Variants in ANXA10 observed in about 807,000 individuals in gnomAD.
ANXA10 encodes the protein annexin A10.
A neutral mutation model predicts 53.5 loss-of-function variants in ANXA10; 49 were observed. The observed-to-expected ratio is 0.92, with a 90% CI of 0.73 to 1.16. The LOEUF is 1.16. Among genes scored for constraint, ANXA10 ranks in the 50% most tolerant of loss-of-function variants. ANXA10 has a pLI of 0.00. For missense variants in ANXA10, 393 were observed against 394.4 expected (o/e 1.00, Z 0.03); for synonymous variants, 131 against 128.9 (o/e 1.02, Z -0.11).
At chr4:168,165,223 C>T in intron 5 of ANXA10, 24 bp from the exon 6 acceptor site, 1 of 1,432,740 alleles carries the variant, frequency 7.0e-7, no homozygotes, top group Non-Finnish European at 9.7e-7. Flanking sequence ...ATAAATCATA[C>T]CTTTAACATG....
intron 3 of ANXA10, among the ~76,000 whole-genome samples, chr4:168,141,737 A>G (rs1028733950): frequency 8.5e-5 from 13 of 152,216 alleles, no homozygotes; most frequent in African/African-American, 3.1e-4. Flanking sequence ...CTGAAAGAGA[A>G]TGGGCCAACA....
intron 1 of ANXA10, among the ~76,000 whole-genome samples, chr4:168,103,369 T>A (rs1730670869): frequency 6.6e-6 from 1 of 151,968 alleles, no homozygotes; most frequent in Non-Finnish European, 1.5e-5. Context: ...TCAAGCTTAT[T>A]TTTTTATATG....
intron 3 of ANXA10, among the ~76,000 whole-genome samples, chr4:168,156,171 T>TTATATTATATATTATATATTATATATTA (rs1352004568): frequency 6.4e-5 from 2 of 31,236 alleles, no homozygotes; most frequent in African/African-American, 1.5e-4. Flanking sequence ...ATTATATATA[T>TTATATTATATATTATATATTATATATTA]TATATTATAT....
intron 6 of ANXA10, among the ~76,000 whole-genome samples, chr4:168,167,056 T>C (rs918567739): frequency 6.6e-6 from 1 of 152,154 alleles, no homozygotes; most frequent in African/African-American, 2.4e-5. Flanking sequence ...TCTTTCATCC[T>C]TTTCTCTGAA....
intron 3 of ANXA10, among the ~76,000 whole-genome samples, chr4:168,157,294 G>C (rs1450967280): frequency 6.6e-6 from 1 of 151,684 alleles, no homozygotes; most frequent in Non-Finnish European, 1.5e-5. Flanking sequence ...TTGATACAGA[G>C]TCTTGCTCTG....
chr4:168,172,103 G>A (rs376961330), intron 6 of ANXA10, among the ~76,000 whole-genome samples: 18 of 152,082 alleles, frequency 1.2e-4, no homozygotes, highest in African/African-American at 4.3e-4. Context: ...ACTAAATTCT[G>A]TACTCATTTA....
chr4:168,126,830 C>T (rs1479169626), intron 1 of ANXA10, among the ~76,000 whole-genome samples: 1 of 152,032 alleles, frequency 6.6e-6, no homozygotes, highest in Non-Finnish European at 1.5e-5. Context: ...GTTTTTTGGT[C>T]TACTTCAAAT....
At chr4:168,144,841 C>T (rs1368836578) in intron 3 of ANXA10, among the ~76,000 whole-genome samples, 1 of 152,160 alleles carries the variant, frequency 6.6e-6, no homozygotes, top group Non-Finnish European at 1.5e-5. Flanking sequence ...GTATTGTAAT[C>T]GCCCAGTGGT....
intron 10 of ANXA10, among the ~76,000 whole-genome samples, chr4:168,183,864 T>C (rs1242669964): frequency 1.2e-4 from 18 of 152,312 alleles, no homozygotes; most frequent in Admixed American, 8.5e-4. Flanking sequence ...ATTCAAAACA[T>C]TGTCTTCAAA....
chr4:168,152,352 C>A (rs1181393756), intron 3 of ANXA10, among the ~76,000 whole-genome samples: 1 of 152,086 alleles, frequency 6.6e-6, no homozygotes, highest in Admixed American at 6.6e-5. Flanking sequence ...ATTCCAGGTT[C>A]AGAAAGAAGC....
rs560125231 is a variant in ANXA10 at position 168,167,038 on chromosome 4, T to C, written c.480+1712T>C. ...CCAGATAAAAACGCAAGGTAGATAATTGTCTATTCTTTCATCCTTTTCTCT... is the reference window on the plus strand; with the variant it reads ...CCAGATAAAAACGCAAGGTAGATAACTGTCTATTCTTTCATCCTTTTCTCT... On this transcript the variant is annotated intron_variant, in intron 6 of 11. Coordinates refer to ENST00000359299, the MANE Select transcript of ANXA10 (RefSeq NM_007193.5). Among the ~76,000 whole-genome samples, 15 of 152,182 alleles carry C rather than the reference T, an allele frequency of 9.9e-5. No individual in the cohort carries two copies. The South Asian group carries it at 1.5e-3, about 15-fold the overall frequency.
chr4:168,106,177 T>C (rs1317106721), intron 1 of ANXA10, among the ~76,000 whole-genome samples: 3 of 152,110 alleles, frequency 2.0e-5, no homozygotes, highest in Non-Finnish European at 4.4e-5. Flanking sequence ...TTGGTATCTT[T>C]GTCATGAAAT....
intron 3 of ANXA10, among the ~76,000 whole-genome samples, chr4:168,144,856 C>T (rs903389872): frequency 4.6e-5 from 7 of 152,150 alleles, no homozygotes; most frequent in Non-Finnish European, 8.8e-5. Context: ...AGTGGTTTCT[C>T]CTTGCCCTGT....
At chr4:168,114,470 A>G (rs2149466909) in intron 1 of ANXA10, among the ~76,000 whole-genome samples, 1 of 152,346 alleles carries the variant, frequency 6.6e-6, no homozygotes, top group East Asian at 1.9e-4. Flanking sequence ...AATTAGTTTA[A>G]GGAACATGCA....
At position 168,127,986 on chromosome 4, in the gene ANXA10, A is replaced by G. The variant is rs1010003583; in HGVS notation, c.19-98A>G. The G allele has an allele frequency of 6.4e-6, 7 of 1,087,790 alleles. No homozygotes were observed. In the African/African-American group the frequency reaches 7.8e-5, roughly 12 times the overall value. The allele number at this position is 1,087,790 out of a possible 1,614,324, so 67.4% of individuals were successfully genotyped here. ...TGATCCACCCACCTCTGCCTCCCAA[A>G]GTGCAGAGATTACAGGTATGAGCCA... is the stretch of plus-strand genomic sequence containing the variant. On this transcript the variant is annotated intron_variant, in intron 1 of 11. Transcript: ENST00000359299.
At chr4:168,160,218 C>G (rs981054148) in intron 3 of ANXA10, among the ~76,000 whole-genome samples, 6 of 151,986 alleles carry the variant, frequency 3.9e-5, no homozygotes, top group Non-Finnish European at 1.5e-5. Flanking sequence ...TCCCTGCTTG[C>G]CCCCGCCCCC....
intron 1 of ANXA10, among the ~76,000 whole-genome samples, chr4:168,096,627 T>C (rs550264258): frequency 7.0e-4 from 107 of 152,138 alleles, no homozygotes; most frequent in African/African-American, 2.2e-3. Flanking sequence ...TCCATGTGAC[T>C]GAGCACTACT....
At chr4:168,146,799 C>T (rs1335164569) in intron 3 of ANXA10, among the ~76,000 whole-genome samples, 3 of 152,130 alleles carry the variant, frequency 2.0e-5, no homozygotes, top group Non-Finnish European at 4.4e-5. Flanking sequence ...TGTGTTTTTC[C>T]AAGAGTTAAC....
At chr4:168,165,609 T>C (rs1186207244) in intron 6 of ANXA10, among the ~76,000 whole-genome samples, 2 of 152,124 alleles carry the variant, frequency 1.3e-5, no homozygotes, top group Admixed American at 1.3e-4. Context: ...AATTTTATAT[T>C]CTGAGAAAAT....
Sources: allele counts gnomAD v4.1 joint callset (sites outside exome capture counted in the v4.1 genomes callset), GRCh38; gene constraint gnomAD v4.1.1; transcripts MANE v1.5; gene names NCBI Gene and HGNC (gene_info 2026-07-23, HGNC 2026-07-21).